Variants in FBXL22 observed in about 807,000 individuals in gnomAD.
FBXL22 encodes F-box and leucine rich repeat protein 22.
Under a neutral mutation model 11.7 loss-of-function variants are expected in FBXL22, and 13 were observed. That is an observed-to-expected ratio of 1.11 (90% CI 0.73 to 1.77). The LOEUF is 1.77. Among genes scored for constraint, FBXL22 ranks in the 40% most tolerant of loss-of-function variants. The pLI is 0.00. For missense variants in FBXL22, 406 were observed against 320.4 expected (o/e 1.27, Z -2.04); for synonymous variants, 160 against 144.1 (o/e 1.11, Z -0.79).
rs1462067814 is a variant in FBXL22 at position 63,601,217 on chromosome 15, A to G, written c.*178A>G. 5.4e-6 allele frequency: 8 copies of G among 1,494,382 alleles called. 1 individual carries two copies. Among genetic ancestry groups the G allele is most frequent in the South Asian group, 2.6e-5 (2 of 75,902 alleles). The allele number at this position is 1,494,382 out of a possible 1,614,324, so 92.6% of individuals were successfully genotyped here. On this transcript the variant is annotated 3_prime_UTR_variant, in exon 2 of 2. Transcript: ENST00000638704. ...CGATTTTATACATAGGATAAACGCAAGATTAAATGGATATTTGGAAAACAC... is the reference window on the plus strand; with the variant it reads ...CGATTTTATACATAGGATAAACGCAGGATTAAATGGATATTTGGAAAACAC...
chr15:63,603,204 A>G (rs2067394349), downstream of FBXL22, among the ~76,000 whole-genome samples: 1 of 152,300 alleles, frequency 6.6e-6, no homozygotes, highest in East Asian at 1.9e-4. Context: ...TGTTAAAATA[A>G]TGTCAATCCG....
Position 63,597,649 on chromosome 15 carries a change from G to A in FBXL22, c.257G>A (p.Cys86Tyr), listed in dbSNP as rs2067293345. The stretch of plus-strand genomic sequence containing the variant: ...TGGCACTCCAGCCGCGTGCAGGTGT[G>A]CAGCATTGAGGACTGGCTCAAGAGT... Reference protein sequence around the residue: ...ICWHSSRVQVCSIEDWLKSAF... With the variant: ...ICWHSSRVQVYSIEDWLKSAF... The change falls in exon 1 of 2, where the codon TGC becomes TAC. Residue 86 changes from cysteine to tyrosine, a missense_variant. Transcript: ENST00000638704. This position sits in a 1 kb window ranked among gnomAD's most constrained non-coding sequence, Gnocchi z 4.3. 1 of 1,612,982 alleles carries A rather than the reference G, an allele frequency of 6.2e-7. No homozygotes were observed. Among genetic ancestry groups the A allele is most frequent in the Admixed American group, 1.7e-5 (1 of 60,012 alleles).
chr15:63,597,396 T>A lies in FBXL22; in HGVS notation c.4T>A (p.Trp2Arg). The stretch of plus-strand genomic sequence containing the variant: ...CCCCGGCTGCAGCTGCACTCACATG[T>A]GGCCACTGCTCACCATGCACATAAC... The part of the protein sequence containing the change: M[W>R]PLLTMHITQL... The change falls in exon 1 of 2, where the codon TGG becomes AGG. Residue 2 changes from tryptophan to arginine, a missense_variant. By Grantham distance (101) the Trp-to-Arg change is moderately radical. Coordinates refer to ENST00000638704, the MANE Select transcript of FBXL22 (RefSeq NM_001367807.1). This position sits in a 1 kb window ranked among gnomAD's most constrained non-coding sequence, Gnocchi z 4.3. 1 of 1,604,460 alleles carries A rather than the reference T, an allele frequency of 6.2e-7. No individual in the cohort carries two copies. The highest frequency in any genetic ancestry group is 8.5e-7 in the Non-Finnish European group (1 of 1,173,500).
downstream of FBXL22, among the ~76,000 whole-genome samples, chr15:63,605,719 C>A (rs1288599620): frequency 6.6e-6 from 1 of 152,196 alleles, no homozygotes; most frequent in Non-Finnish European, 1.5e-5. Flanking sequence ...TCATAGACAT[C>A]CCTCAACTCC....
At chr15:63,599,235 C>T (rs2067324615) in intron 1 of FBXL22, 1 of 1,535,234 alleles carries the variant, frequency 6.5e-7, no homozygotes, top group Admixed American at 2.0e-5. Context: ...TCTTCTGGCA[C>T]TCAGCTCAGG....
At chr15:63,607,292 G>A (rs897527238), downstream of FBXL22, among the ~76,000 whole-genome samples, 1 of 152,120 alleles carries the variant, frequency 6.6e-6, no homozygotes, top group Non-Finnish European at 1.5e-5. Flanking sequence ...TGATCCACCC[G>A]CCTCGGCCTC....
Position 63,597,412 on chromosome 15 carries a change from T to A in FBXL22, c.20T>A (p.Met7Lys). MWPLLT[M>K]HITQLNRECL... Reference sequence around the variant, plus strand: ...ACTCACATGTGGCCACTGCTCACCATGCACATAACCCAGCTCAACCGGGAG... The same window carrying A: ...ACTCACATGTGGCCACTGCTCACCAAGCACATAACCCAGCTCAACCGGGAG... Residue 7 changes from methionine (M) to lysine (K), a missense_variant, in exon 1 of 2, where the codon ATG becomes AAG. Coordinates refer to ENST00000638704, the MANE Select transcript of FBXL22 (RefSeq NM_001367807.1). This position sits in a 1 kb window ranked among gnomAD's most constrained non-coding sequence, Gnocchi z 4.3. 2 of 1,611,228 alleles carry A rather than the reference T, an allele frequency of 1.2e-6. No individual in the cohort carries two copies. Among genetic ancestry groups the A allele is most frequent in the South Asian group, 2.2e-5 (2 of 91,062 alleles).
chr15:63,603,016 C>T (rs1229790904), downstream of FBXL22, among the ~76,000 whole-genome samples: 1 of 152,158 alleles, frequency 6.6e-6, no homozygotes, highest in Admixed American at 6.5e-5. Flanking sequence ...ATAGACTCCA[C>T]GTCCCTCCCC....
downstream of FBXL22, among the ~76,000 whole-genome samples, chr15:63,602,890 A>G (rs2067391822): frequency 6.6e-6 from 1 of 152,170 alleles, no homozygotes; most frequent in Admixed American, 6.5e-5. Context: ...CAGGTATCTG[A>G]GAAGCAATGC....
downstream of FBXL22, among the ~76,000 whole-genome samples, chr15:63,606,704 T>A (rs904660360): frequency 6.8e-5 from 10 of 146,484 alleles, no homozygotes; most frequent in African/African-American, 2.0e-4. Context: ...AATGAAAACA[T>A]AGTCAAGACA....
At chr15:63,601,875 C>G (rs2067378424), downstream of FBXL22, 1 of 784,858 alleles carries the variant, frequency 1.3e-6, no homozygotes, top group African/African-American at 1.8e-5. Flanking sequence ...CCATTATAAG[C>G]TGACAAGCTA....
chr15:63,600,908 GGCCTGCGCC>G lies in FBXL22; in HGVS notation c.574_582del (p.Arg192_Arg194del), dbSNP rs1473967356. The G allele has an allele frequency of 4.2e-5, 51 of 1,219,454 alleles. No homozygotes were observed. The highest frequency in any genetic ancestry group is 4.9e-5 in the Non-Finnish European group (48 of 980,088). The allele number at this position is 1,219,454 out of a possible 1,614,324, so 75.5% of individuals were successfully genotyped here. A position where few individuals can be genotyped will look rare whatever the true frequency, so the allele number is the denominator to read the frequency against. ...CTTCTGCCGCAACGTGAGCGCGGCC[GGCCTGCGCC>G]GCCTGCGCGCCGCGTGCCCGCGCCT... On this transcript the variant is annotated inframe_deletion, in exon 2 of 2. Coordinates refer to ENST00000638704, the MANE Select transcript of FBXL22 (RefSeq NM_001367807.1).
chr15:63,599,179 G>A (rs762903592), intron 1 of FBXL22: 1 of 1,529,410 alleles, frequency 6.5e-7, no homozygotes, highest in South Asian at 1.2e-5. Context: ...TGACACAGTG[G>A]CACCTGGCAC....
downstream of FBXL22, among the ~76,000 whole-genome samples, chr15:63,606,208 C>A (rs184692630): frequency 1.3e-5 from 2 of 152,320 alleles, no homozygotes; most frequent in Non-Finnish European, 2.9e-5. Flanking sequence ...CCCTCCAGCT[C>A]TAGGATTCAA....
chr15:63,605,082 CAAAAG>C (rs2152689371), downstream of FBXL22, among the ~76,000 whole-genome samples: 1 of 152,078 alleles, frequency 6.6e-6, no homozygotes, highest in African/African-American at 2.4e-5. Flanking sequence ...AAGTAAAAAA[CAAAAG>C]AAAAATCCTT....
chr15:63,600,604 T>C, intron 1 of FBXL22, 93 bp from the exon 2 acceptor site: 1 of 1,230,090 alleles, frequency 8.1e-7, no homozygotes, highest in East Asian at 3.2e-5. Flanking sequence ...AGGGCCCGAG[T>C]CCTCCTCGGT....
chr15:63,604,586 T>C (rs2067404500), downstream of FBXL22, among the ~76,000 whole-genome samples: 1 of 152,220 alleles, frequency 6.6e-6, no homozygotes, highest in African/African-American at 2.4e-5. Context: ...CTCTGCCTTC[T>C]AACAGACACT....
At chr15:63,601,451 C>T, downstream of FBXL22, 1 of 1,571,828 alleles carries the variant, frequency 6.4e-7, no homozygotes, top group Non-Finnish European at 8.6e-7. Flanking sequence ...AGGGCTGCCG[C>T]GCGCAGGGGT....
chr15:63,600,564 T>C (rs960509386), intron 1 of FBXL22, 133 bp from the exon 2 acceptor site: 2 of 1,229,292 alleles, frequency 1.6e-6, no homozygotes, highest in African/African-American at 3.1e-5. Context: ...AACCCTGCAG[T>C]GTCATCGCAG....
Sources: allele counts gnomAD v4.1 joint callset (sites outside exome capture counted in the v4.1 genomes callset), GRCh38; gene constraint gnomAD v4.1.1; non-coding constraint Gnocchi (gnomAD v3.1); transcripts MANE v1.5; gene names NCBI Gene and HGNC (gene_info 2026-07-23, HGNC 2026-07-21).